Variants in PHF11 observed in about 807,000 individuals in gnomAD.
PHF11 encodes PHD finger protein 11, also known as BRCA1 C-terminus-associated protein.
In PHF11, 38 loss-of-function variants were observed where a neutral mutation model predicts 40.5. The observed-to-expected ratio is 0.94, with a 90% CI of 0.72 to 1.23. The LOEUF is 1.23. Ranked by LOEUF, PHF11 falls within the 50% of genes most tolerant of loss-of-function variation. The pLI, the probability that PHF11 is intolerant of heterozygous loss-of-function variation, is 0.00. For missense variants in PHF11, 369 were observed against 392.4 expected (o/e 0.94, Z 0.50); for synonymous variants, 127 against 138.2 (o/e 0.92, Z 0.57).
intron 2 of PHF11, among the ~76,000 whole-genome samples, chr13:49,509,131 G>C (rs1435616465): frequency 6.6e-6 from 1 of 151,610 alleles, no homozygotes; most frequent in African/African-American, 2.4e-5. Flanking sequence ...TGGAAAAGTT[G>C]CATATACAGT....
intron 2 of PHF11, among the ~76,000 whole-genome samples, chr13:49,511,326 G>GTTT (rs1202567452): frequency 2.8e-5 from 2 of 72,240 alleles, no homozygotes; most frequent in Non-Finnish European, 5.0e-5. Context: ...TTGTTCAATG[G>GTTT]CTTTTTTTTT....
At chr13:49,513,021 C>T in intron 2 of PHF11, 38 bp from the exon 3 acceptor site, 1 of 982,870 alleles carries the variant, frequency 1.0e-6, no homozygotes, top group Non-Finnish European at 1.6e-6. Flanking sequence ...TTCAATATTA[C>T]TTTGTGCATA....
At chr13:49,506,589 C>T in intron 1 of PHF11, 46 bp from the exon 2 acceptor site, 2 of 1,598,628 alleles carry the variant, frequency 1.3e-6, no homozygotes, top group Non-Finnish European at 8.6e-7. Flanking sequence ...TTAGTGAGAC[C>T]AAGAAATTCC....
chr13:49,521,775 G>T (rs1191849483), intron 5 of PHF11, among the ~76,000 whole-genome samples: 2 of 152,034 alleles, frequency 1.3e-5, no homozygotes, highest in African/African-American at 4.8e-5. Flanking sequence ...GACCCAATTT[G>T]TTCATTTTTC....
intron 7 of PHF11, chr13:49,523,635 CAA>C (rs1959203069): frequency 4.1e-6 from 1 of 241,306 alleles, no homozygotes; most frequent in South Asian, 6.4e-5. Flanking sequence ...GCTGTTATGT[CAA>C]AGACTTAAGG....
intron 1 of PHF11, chr13:49,497,073 G>C: frequency 7.8e-7 from 1 of 1,275,056 alleles, no homozygotes; most frequent in South Asian, 1.3e-5. Flanking sequence ...CTCAGCCAAA[G>C]GTGGAAAAGT....
chr13:49,513,700 G>T (rs1281402248), intron 3 of PHF11, among the ~76,000 whole-genome samples: 1 of 152,142 alleles, frequency 6.6e-6, no homozygotes, highest in Admixed American at 6.5e-5. Context: ...GAATGCTTTT[G>T]CTGTAAGTAG....
At chr13:49,506,895 T>TTTA in intron 2 of PHF11, 139 bp downstream of exon 2, 2 of 382,540 alleles carry the variant, frequency 5.2e-6, no homozygotes, top group Non-Finnish European at 8.7e-6. Flanking sequence ...TTGGGGAGCA[T>TTTA]TTCTTTTTTT....
At chr13:49,497,142 A>T (rs1453648142) in intron 1 of PHF11, 8 of 1,289,472 alleles carry the variant, frequency 6.2e-6, no homozygotes, top group Non-Finnish European at 8.1e-6. Flanking sequence ...AAAACGTCAC[A>T]CGTAAACATC....
At chr13:49,503,003 C>T (rs1254493256) in intron 1 of PHF11, among the ~76,000 whole-genome samples, 2 of 152,108 alleles carry the variant, frequency 1.3e-5, no homozygotes, top group Non-Finnish European at 2.9e-5. Flanking sequence ...GGATTACAGG[C>T]GTGAGCACCG....
At chr13:49,500,594 C>G (rs755297772) in intron 1 of PHF11, among the ~76,000 whole-genome samples, 2 of 152,142 alleles carry the variant, frequency 1.3e-5, no homozygotes, top group African/African-American at 4.8e-5. Flanking sequence ...ATCAAAAGAG[C>G]TAGAAGAGCC....
At chr13:49,503,721 G>A (rs1287165740) in intron 1 of PHF11, among the ~76,000 whole-genome samples, 1 of 152,088 alleles carries the variant, frequency 6.6e-6, no homozygotes, top group African/African-American at 2.4e-5. Flanking sequence ...TCTTTTTTGG[G>A]TTTTTTGTTT....
In PHF11 at chr13:49,513,096, A is replaced by T. The variant is rs373246658; in HGVS notation, c.254A>T (p.Asp85Val). The T allele has an allele frequency of 1.9e-6, 3 of 1,601,710 alleles. No homozygotes were observed. In the African/African-American group the frequency reaches 4.0e-5, roughly 21 times the overall value. The part of the protein sequence containing the change: ...SSGLVECEDQ[D>V]PLNPDRSFDV... ...GGACTTGTGGAATGTGAGGATCAGGATCCACTTAATCCTGATAGAAGTTTT... is the reference window on the plus strand; with the variant it reads ...GGACTTGTGGAATGTGAGGATCAGGTTCCACTTAATCCTGATAGAAGTTTT... Residue 85 changes from aspartate (D) to valine (V), a missense_variant, in exon 3 of 10, where the codon GAT (aspartate) becomes GTT (valine). Asp to Val is a radical substitution (Grantham distance 152). Coordinates refer to ENST00000378319, the MANE Select transcript of PHF11 (RefSeq NM_001040443.3).
intron 6 of PHF11, 45 bp downstream of exon 6, chr13:49,522,152 G>A (rs769289483): frequency 1.3e-5 from 13 of 978,410 alleles, no homozygotes. Context: ...TTCATACAGA[G>A]TCCTTATTTA....
chr13:49,523,543 C>T (rs1450573142), intron 7 of PHF11: 1 of 382,386 alleles, frequency 2.6e-6, no homozygotes, highest in Admixed American at 4.6e-5. Context: ...CACTGTGACC[C>T]CTGTAACTGT....
intron 1 of PHF11, 155 bp downstream of exon 1, chr13:49,496,250 G>A: frequency 1.6e-6 from 1 of 641,970 alleles, no homozygotes; most frequent in Non-Finnish European, 2.2e-6. Context: ...GGACGAACTT[G>A]GCTCACCACT....
intron 3 of PHF11, among the ~76,000 whole-genome samples, chr13:49,517,802 A>C (rs774864100): frequency 6.6e-6 from 1 of 152,226 alleles, no homozygotes; most frequent in Non-Finnish European, 1.5e-5. Flanking sequence ...CTGTCTGTCC[A>C]AGCATTCCGG....
chr13:49,519,336 A>G (rs1959176968), intron 4 of PHF11, among the ~76,000 whole-genome samples: 1 of 152,100 alleles, frequency 6.6e-6, no homozygotes, highest in Non-Finnish European at 1.5e-5. Flanking sequence ...GACCTTTACA[A>G]TGACCTTAAA....
intron 2 of PHF11, among the ~76,000 whole-genome samples, chr13:49,511,060 T>C (rs1959075536): frequency 6.6e-6 from 1 of 152,226 alleles, no homozygotes; most frequent in African/African-American, 2.4e-5. Flanking sequence ...AGGAATCCTA[T>C]AGTTGTCCTC....
Sources: allele counts gnomAD v4.1 joint callset (sites outside exome capture counted in the v4.1 genomes callset), GRCh38; gene constraint gnomAD v4.1.1; transcripts MANE v1.5; gene names NCBI Gene and HGNC (gene_info 2026-07-23, HGNC 2026-07-21).